DPCD: variants seen among roughly 807,000 people sequenced by gnomAD.
DPCD encodes the protein protein DPCD.
DPCD carries 20 observed loss-of-function variants against 26.4 expected under a neutral mutation model. The observed-to-expected ratio is 0.76, with a 90% CI of 0.53 to 1.10. The LOEUF is 1.10. DPCD is among the 50% of genes least tolerant of loss of function. DPCD has a pLI of 0.00. For synonymous variants in DPCD, 97 were observed against 94.2 expected, an observed-to-expected ratio of 1.03 and a Z score of -0.17; for missense variants, 202 against 253.9, an observed-to-expected ratio of 0.80 and a Z score of 1.39.
rs764611749 is a variant in DPCD at position 101,608,947 on chromosome 10, A to G, written c.507+10A>G. The G allele has an allele frequency of 6.2e-7, 1 of 1,603,830 alleles. No individual in the cohort carries two copies. Among genetic ancestry groups the G allele is most frequent in the Admixed American group, 1.7e-5 (1 of 59,942 alleles). On this transcript the variant is annotated intron_variant, in intron 5 of 5. Coordinates refer to ENST00000370151, the MANE Select transcript of DPCD (RefSeq NM_015448.3). Reference sequence around the variant, plus strand: ...CACCCTGATCATCTCTGTAAGATTCACCCAGACTTCTTGGACACTGCATCA... The same window carrying G: ...CACCCTGATCATCTCTGTAAGATTCGCCCAGACTTCTTGGACACTGCATCA...
At chr10:101,591,398 A>G (rs1311346010) in intron 1 of DPCD, among the ~76,000 whole-genome samples, 1 of 152,154 alleles carries the variant, frequency 6.6e-6, no homozygotes, top group Admixed American at 6.5e-5. Flanking sequence ...AGCATCACAA[A>G]ATGATATTGT....
intron 2 of DPCD, among the ~76,000 whole-genome samples, chr10:101,599,502 T>C (rs1244869338): frequency 6.6e-6 from 1 of 152,236 alleles, no homozygotes; most frequent in Non-Finnish European, 1.5e-5. Context: ...AAAATCACAC[T>C]GCAGAATGCA....
At chr10:101,591,669 A>G (rs991942242) in intron 1 of DPCD, among the ~76,000 whole-genome samples, 3 of 151,880 alleles carry the variant, frequency 2.0e-5, no homozygotes, top group African/African-American at 7.3e-5. Context: ...TAATATTACC[A>G]CCCAGATAAT....
At chr10:101,602,971 C>T (rs2063708359) in intron 4 of DPCD, among the ~76,000 whole-genome samples, 1 of 152,262 alleles carries the variant, frequency 6.6e-6, no homozygotes, top group African/African-American at 2.4e-5. Flanking sequence ...ATAGGTGGCG[C>T]TGTTGGCCAG....
intron 2 of DPCD, 73 bp downstream of exon 2, chr10:101,594,811 C>G (rs928237220): frequency 1.4e-6 from 2 of 1,430,012 alleles, no homozygotes; most frequent in Admixed American, 3.4e-5. Context: ...ACACTCCTAG[C>G]CTTAGGCTTG....
Position 101,601,165 on chromosome 10 carries a change from C to T in DPCD, c.271-38C>T, listed in dbSNP as rs371577969. On this transcript the variant is annotated intron_variant, in intron 3 of 5. Coordinates refer to ENST00000370151, the MANE Select transcript of DPCD (RefSeq NM_015448.3). ...CTGATGAGGGTGGAGCCTTCCCTTC[C>T]CCAGGAACAGTCCTCGAGTTGGATT... 28 of 1,612,220 alleles carry T rather than the reference C, an allele frequency of 1.7e-5. No homozygotes were observed. In the East Asian group the frequency reaches 6.0e-4, roughly 35 times the overall value.
intron 1 of DPCD, among the ~76,000 whole-genome samples, chr10:101,590,224 C>G (rs1442084423): frequency 6.6e-6 from 1 of 152,156 alleles, no homozygotes; most frequent in Non-Finnish European, 1.5e-5. Context: ...TTAAAGCAGT[C>G]ACTCAGTCAG....
intron 1 of DPCD, among the ~76,000 whole-genome samples, chr10:101,591,833 C>T (rs191203784): frequency 2.0e-5 from 3 of 152,156 alleles, no homozygotes; most frequent in Non-Finnish European, 2.9e-5. Flanking sequence ...AGGCGCCCGC[C>T]ACCAAGCCCG....
chr10:101,602,031 C>G (rs2063702325), intron 4 of DPCD, among the ~76,000 whole-genome samples: 1 of 152,086 alleles, frequency 6.6e-6, no homozygotes, highest in African/African-American at 2.4e-5. Context: ...TTTCTGGAGC[C>G]CTGACTGATC....
chr10:101,595,629 A>G (rs2063645862), intron 2 of DPCD, among the ~76,000 whole-genome samples: 1 of 152,116 alleles, frequency 6.6e-6, no homozygotes, highest in African/African-American at 2.4e-5. Flanking sequence ...AACCGACAAC[A>G]TGGATTACAC....
Position 101,600,745 on chromosome 10 carries a change from G to C in DPCD, c.153G>C (p.Lys51Asn). The change falls in exon 3 of 6, where the codon AAG becomes AAC. Residue 51 changes from lysine (K) to asparagine (N), a missense_variant. This residue lies in a region of DPCD where 37 missense variants were observed against 76.0 expected (regional missense o/e 0.49). Transcript: ENST00000370151. The surrounding 1 kb of genome is among the most constrained non-coding windows in gnomAD (Gnocchi z 4.7). The stretch of plus-strand genomic sequence containing the variant: ...GCTTGCTTCTCTCCCCAGTGAGAAA[G>C]TGGCGTGTGAAAAGTGCCCTGGGAG... Reference protein sequence around the residue: ...DEKTSELLVRKWRVKSALGAM... With the variant: ...DEKTSELLVRNWRVKSALGAM... 1.9e-6 allele frequency: 3 copies of C among 1,612,968 alleles called. No individual in the cohort carries two copies. Among genetic ancestry groups the C allele is most frequent in the Non-Finnish European group, 2.5e-6 (3 of 1,179,582 alleles).
chr10:101,608,022 TC>T (rs1024553126), intron 4 of DPCD, among the ~76,000 whole-genome samples: 8 of 152,160 alleles, frequency 5.3e-5, no homozygotes, highest in Non-Finnish European at 4.4e-5. Flanking sequence ...GAGCCCGAGT[TC>T]CCTTTTAGGT....
At chr10:101,599,731 T>C (rs1378268948) in intron 2 of DPCD, among the ~76,000 whole-genome samples, 1 of 152,204 alleles carries the variant, frequency 6.6e-6, no homozygotes, top group Non-Finnish European at 1.5e-5. Flanking sequence ...CAACTGTAAC[T>C]GAGTACTGTG....
chr10:101,607,101 G>A (rs577821762), intron 4 of DPCD, among the ~76,000 whole-genome samples: 7 of 152,118 alleles, frequency 4.6e-5, no homozygotes, highest in East Asian at 1.9e-4. Flanking sequence ...TTCATTTTCC[G>A]GTCCCACTGC....
Position 101,608,823 on chromosome 10 carries a change from G to T in DPCD, c.405-12G>T, listed in dbSNP as rs773135428. The T allele has an allele frequency of 6.2e-7, 1 of 1,603,840 alleles. No homozygotes were observed. The highest frequency in any genetic ancestry group is 1.1e-5 in the South Asian group (1 of 90,872). On this transcript the variant is annotated splice_polypyrimidine_tract_variant and intron_variant, in intron 4 of 5. Transcript: ENST00000370151. ...TGCCGAGTGCCCCAATGGCCTCTCGGTGTCCCCACAGGTACTACAAGAAGT... is the reference window on the plus strand; with the variant it reads ...TGCCGAGTGCCCCAATGGCCTCTCGTTGTCCCCACAGGTACTACAAGAAGT...
chr10:101,606,406 C>T (rs1002040862), intron 4 of DPCD, among the ~76,000 whole-genome samples: 1 of 152,214 alleles, frequency 6.6e-6, no homozygotes. Flanking sequence ...AGTGATCTGC[C>T]TACCTCGGCC....
chr10:101,608,807 C>T (rs371228299), intron 4 of DPCD, 28 bp from the exon 5 acceptor site: 157 of 1,529,262 alleles, frequency 1.0e-4, no homozygotes, highest in Non-Finnish European at 1.4e-4. Context: ...TTGCCGAGTG[C>T]CCCAATGGCC....
chr10:101,594,917 G>T (rs1366606246), intron 2 of DPCD, among the ~76,000 whole-genome samples, 179 bp downstream of exon 2: 1 of 152,118 alleles, frequency 6.6e-6, no homozygotes, highest in African/African-American at 2.4e-5. Context: ...AAAGTGGAAT[G>T]CGAGTCCTTT....
At chr10:101,593,160 G>A (rs1000129686) in intron 1 of DPCD, among the ~76,000 whole-genome samples, 7 of 152,194 alleles carry the variant, frequency 4.6e-5, no homozygotes, top group Non-Finnish European at 1.0e-4. Flanking sequence ...TGGATGCCAA[G>A]GGGAGAAGAT....
Sources: allele counts gnomAD v4.1 joint callset (sites outside exome capture counted in the v4.1 genomes callset), GRCh38; gene constraint gnomAD v4.1.1; regional missense constraint gnomAD v4.1.1; non-coding constraint Gnocchi (gnomAD v3.1); transcripts MANE v1.5; gene names NCBI Gene and HGNC (gene_info 2026-07-23, HGNC 2026-07-21).